Variants in METTL25 observed in about 807,000 individuals in gnomAD.
METTL25 encodes the protein methyltransferase like 25.
In METTL25, 64 loss-of-function variants were observed where a neutral mutation model predicts 71.6. The ratio of observed to expected loss-of-function variants is 0.89; its 90% CI spans 0.73 to 1.10. The LOEUF (loss-of-function observed/expected upper bound fraction) is 1.10. METTL25 is among the 50% of genes least tolerant of loss of function. The pLI is 0.00. For synonymous variants in METTL25, 287 were observed against 250.3 expected (o/e 1.15, Z -1.38); for missense variants, 807 against 707.0 (o/e 1.14, Z -1.60).
intron 11 of METTL25, among the ~76,000 whole-genome samples, chr12:82,478,155 G>A (rs1892986971): frequency 6.6e-6 from 1 of 151,648 alleles, no homozygotes; most frequent in Non-Finnish European, 1.5e-5. Flanking sequence ...CAAGTCACTG[G>A]AAAGCTTTGG....
At chr12:82,390,487 A>G (rs1015077246) in intron 3 of METTL25, among the ~76,000 whole-genome samples, 3 of 152,120 alleles carry the variant, frequency 2.0e-5, no homozygotes, top group Admixed American at 2.0e-4. Context: ...GCCTATAAAA[A>G]TAGTAAGTTA....
chr12:82,365,849 G>A (rs1168437019), intron 1 of METTL25, among the ~76,000 whole-genome samples: 4 of 152,134 alleles, frequency 2.6e-5, no homozygotes, highest in South Asian at 4.1e-4. Context: ...TTGGGAGGCC[G>A]AGGCGGGGGG....
intron 4 of METTL25, among the ~76,000 whole-genome samples, chr12:82,399,895 G>A (rs4882379): frequency 0.92 from 139,138 of 151,142 alleles, 64,398 homozygotes; most frequent in East Asian, 1. Flanking sequence ...GTTGCATGTT[G>A]AAACAGTATT....
At chr12:82,366,552 ATT>A (rs1422625114) in intron 1 of METTL25, among the ~76,000 whole-genome samples, 1 of 151,756 alleles carries the variant, frequency 6.6e-6, no homozygotes, top group Non-Finnish European at 1.5e-5. Context: ...ATGATAGATT[ATT>A]CTTTTATCAA....
chr12:82,364,465 A>G (rs1027461583), intron 1 of METTL25, among the ~76,000 whole-genome samples: 4 of 152,234 alleles, frequency 2.6e-5, no homozygotes, highest in African/African-American at 9.6e-5. Context: ...TGAAGTTGGC[A>G]TGGTCACAAA....
intron 8 of METTL25, among the ~76,000 whole-genome samples, chr12:82,443,464 A>G (rs1333458269): frequency 6.0e-4 from 1 of 1,670 alleles, no homozygotes; most frequent in Non-Finnish European, 5.7e-3. Context: ...GAGGAGACCA[A>G]AAAAAAAAAA....
At chr12:82,441,644 G>C (rs1301573387) in intron 8 of METTL25, among the ~76,000 whole-genome samples, 1 of 151,172 alleles carries the variant, frequency 6.6e-6, no homozygotes, top group Non-Finnish European at 1.5e-5. Flanking sequence ...TTGTTTCATA[G>C]AGCCCAGGAT....
At chr12:82,456,586 A>G (rs1302107823) in intron 8 of METTL25, 141 bp from the exon 9 acceptor site, 1 of 499,254 alleles carries the variant, frequency 2.0e-6, no homozygotes, top group Non-Finnish European at 3.5e-6. Flanking sequence ...AAATGTCCTC[A>G]AAAGTATTAC....
At position 82,477,298 on chromosome 12, in the gene METTL25, T is replaced by C; in HGVS notation, c.1665T>C (p.Ala555=). The change falls in exon 11 of 12, where the codon GCT becomes GCC. Residue 555 remains alanine (A), a synonymous_variant. Transcript: ENST00000248306. ...TATTTTAGTTGAAAGTTGTACTGGC[T>C]CCCTGTATAGAGACTTTGATTCTTC... ...EAFNMLKVVL[A]PCIETLILLD... The C allele has an allele frequency of 6.4e-7, 1 of 1,562,038 alleles. No homozygotes were observed. The highest frequency in any genetic ancestry group is 8.7e-7 in the Non-Finnish European group (1 of 1,154,056).
intron 1 of METTL25, among the ~76,000 whole-genome samples, chr12:82,377,358 A>T (rs1335619317): frequency 1.3e-5 from 2 of 152,232 alleles, no homozygotes; most frequent in African/African-American, 4.8e-5. Flanking sequence ...ATGCAAATTT[A>T]TTATAACCAT....
In METTL25 at chr12:82,410,217, T is replaced by A. The variant is rs143881617; in HGVS notation, c.1279+7087T>A. 2.0e-5 allele frequency among the ~76,000 whole-genome samples: 3 copies of A among 152,256 alleles called. No individual in the cohort carries two copies. In the East Asian group the frequency reaches 5.8e-4, roughly 29 times the overall value. On this transcript the variant is annotated intron_variant, in intron 5 of 11. Coordinates refer to ENST00000248306, the MANE Select transcript of METTL25 (RefSeq NM_032230.3). ...AATATTCTATATATGGTACTAAAACTGCTAACATAACATTAACCAGTTAAT... is the reference window on the plus strand; with the variant it reads ...AATATTCTATATATGGTACTAAAACAGCTAACATAACATTAACCAGTTAAT...
At chr12:82,443,462 C>CAAAAAAAAA (rs67737833) in intron 8 of METTL25, among the ~76,000 whole-genome samples, 6 of 96,606 alleles carry the variant, frequency 6.2e-5, no homozygotes, top group African/African-American at 1.5e-4. Flanking sequence ...CAGAGGAGAC[C>CAAAAAAAAA]AAAAAAAAAA....
intron 11 of METTL25, among the ~76,000 whole-genome samples, chr12:82,478,315 A>G (rs1028015463): frequency 1.3e-5 from 2 of 151,840 alleles, no homozygotes; most frequent in East Asian, 3.8e-4. Flanking sequence ...TAGAAATTAT[A>G]GAAATGTTAT....
chr12:82,422,569 TAAAG>T (rs768165697), intron 5 of METTL25, among the ~76,000 whole-genome samples: 12 of 152,056 alleles, frequency 7.9e-5, no homozygotes, highest in African/African-American at 2.7e-4. Context: ...GAGAAGCAAA[TAAAG>T]GGCATTCAAT....
intron 5 of METTL25, among the ~76,000 whole-genome samples, chr12:82,422,952 G>A (rs528544624): frequency 4.5e-4 from 68 of 152,276 alleles, no homozygotes; most frequent in African/African-American, 1.5e-3. Context: ...AATCAATATT[G>A]TGAAAATGGC....
chr12:82,376,972 G>C (rs950482036), intron 1 of METTL25, among the ~76,000 whole-genome samples: 3 of 152,064 alleles, frequency 2.0e-5, no homozygotes, highest in Non-Finnish European at 4.4e-5. Context: ...AAATTAGCCG[G>C]CGTGGTGGCG....
chr12:82,463,453 A>G (rs1050734237), intron 9 of METTL25, among the ~76,000 whole-genome samples: 2 of 152,088 alleles, frequency 1.3e-5, no homozygotes, highest in Non-Finnish European at 2.9e-5. Context: ...TTGTTTATAC[A>G]TACCACATTT....
chr12:82,461,214 TTC>T (rs1565882780), intron 9 of METTL25, among the ~76,000 whole-genome samples: 2 of 152,160 alleles, frequency 1.3e-5, no homozygotes, highest in Non-Finnish European at 2.9e-5. Context: ...TATATGGAAA[TTC>T]TCTGTCCTAT....
chr12:82,464,456 A>G (rs1892101406), intron 9 of METTL25, among the ~76,000 whole-genome samples: 1 of 151,690 alleles, frequency 6.6e-6, no homozygotes, highest in African/African-American at 2.4e-5. Flanking sequence ...TCTCTGTTCT[A>G]TTGCATTTGT....
Sources: allele counts gnomAD v4.1 joint callset (sites outside exome capture counted in the v4.1 genomes callset), GRCh38; gene constraint gnomAD v4.1.1; transcripts MANE v1.5; gene names NCBI Gene and HGNC (gene_info 2026-07-23, HGNC 2026-07-21).